Variants in SUV39H2 observed in about 807,000 individuals in gnomAD.
SUV39H2 encodes SUV39H2 histone lysine methyltransferase.
SUV39H2 carries 10 observed loss-of-function variants against 47.5 expected under a neutral mutation model. That is an observed-to-expected ratio of 0.21 (90% confidence interval 0.13 to 0.36). The LOEUF (loss-of-function observed/expected upper bound fraction) is 0.36. SUV39H2 is among the 10% of genes least tolerant of loss of function. SUV39H2 has a pLI of 1.00. For synonymous variants in SUV39H2, 159 were observed against 166.8 expected, an observed-to-expected ratio of 0.95 and a Z score of 0.36; for missense variants, 266 against 487.4, an observed-to-expected ratio of 0.55 and a Z score of 4.28.
chr10:14,879,069 G>A (rs1832958551), intron 1 of SUV39H2, 150 bp downstream of exon 1: 1 of 1,304,848 alleles, frequency 7.7e-7, no homozygotes, highest in African/African-American at 1.6e-5. Flanking sequence ...CGCTGCGGAC[G>A]CCTATCCTCC....
intron 2 of SUV39H2, among the ~76,000 whole-genome samples, chr10:14,887,077 A>C (rs1833233536): frequency 6.6e-6 from 1 of 152,228 alleles, no homozygotes; most frequent in African/African-American, 2.4e-5. Context: ...TGTAATTGAG[A>C]GAATTTTCTC....
intron 4 of SUV39H2, among the ~76,000 whole-genome samples, chr10:14,900,543 T>C (rs1833932802): frequency 6.6e-6 from 1 of 152,204 alleles, no homozygotes; most frequent in Non-Finnish European, 1.5e-5. Context: ...CGAGATACTC[T>C]CAAAATAGAG....
chr10:14,880,729 G>T (rs149291242), intron 1 of SUV39H2, among the ~76,000 whole-genome samples: 29 of 152,288 alleles, frequency 1.9e-4, no homozygotes, highest in African/African-American at 7.0e-4. Context: ...TTTCTGGAGG[G>T]TTGATGATGA....
At chr10:14,882,163 T>C (rs1833056849) in intron 2 of SUV39H2, among the ~76,000 whole-genome samples, 1 of 152,238 alleles carries the variant, frequency 6.6e-6, no homozygotes, top group African/African-American at 2.4e-5. Flanking sequence ...TCGTTTCACT[T>C]CTCTAAGCCT....
intron 2 of SUV39H2, among the ~76,000 whole-genome samples, chr10:14,895,958 TTGAGAC>T (rs1187930255): frequency 6.6e-6 from 1 of 151,952 alleles, no homozygotes; most frequent in African/African-American, 2.4e-5. Context: ...TTTTGTTTGT[TTGAGAC>T]TGAGTCTCGC....
At chr10:14,895,027 C>A (rs941494742) in intron 2 of SUV39H2, among the ~76,000 whole-genome samples, 1 of 152,020 alleles carries the variant, frequency 6.6e-6, no homozygotes, top group South Asian at 2.1e-4. Context: ...AGTTTAATCA[C>A]CTTTTTATCT....
chr10:14,896,597 G>A (rs1195920274), intron 2 of SUV39H2, among the ~76,000 whole-genome samples: 1 of 151,998 alleles, frequency 6.6e-6, no homozygotes, highest in Non-Finnish European at 1.5e-5. Context: ...CTTTTTCCAG[G>A]TAAAACTCTT....
At position 14,897,146 on chromosome 10, in the gene SUV39H2, G is replaced by A. The variant is rs1286663939; in HGVS notation, c.478G>A (p.Val160Ile). 14 of 1,613,712 alleles carry A rather than the reference G, an allele frequency of 8.7e-6. No homozygotes were observed. Among genetic ancestry groups the A allele is most frequent in the African/African-American group, 1.3e-5 (1 of 75,054 alleles). The change falls in exon 3 of 6, where the codon GTT becomes ATT. Residue 160 changes from valine (V) to isoleucine (I), a missense_variant. Coordinates refer to ENST00000354919, the MANE Select transcript of SUV39H2 (RefSeq NM_001193424.2). ...AGGAATGATATTTGTTGAAAATACTGTTGATTTAGAGGGCCCACCTTCAGA... is the reference window on the plus strand; with the variant it reads ...AGGAATGATATTTGTTGAAAATACTATTGATTTAGAGGGCCCACCTTCAGA... Reference protein sequence around the residue: ...HKGMIFVENTVDLEGPPSDFY... With the variant: ...HKGMIFVENTIDLEGPPSDFY...
At chr10:14,881,757 C>G in intron 2 of SUV39H2, 112 bp downstream of exon 2, 1 of 998,658 alleles carries the variant, frequency 1.0e-6, no homozygotes, top group Non-Finnish European at 1.4e-6. Flanking sequence ...GTTTAAAATT[C>G]TAAGGCATGA....
intron 2 of SUV39H2, among the ~76,000 whole-genome samples, chr10:14,894,698 T>C (rs1249045458): frequency 6.6e-6 from 1 of 152,202 alleles, no homozygotes; most frequent in African/African-American, 2.4e-5. Context: ...GATTACTGCT[T>C]GTTGAATAGA....
At chr10:14,899,512 AAT>A in intron 3 of SUV39H2, 25 bp from the exon 4 acceptor site, 2 of 1,612,284 alleles carry the variant, frequency 1.2e-6, no homozygotes, top group Non-Finnish European at 1.7e-6. Context: ...GTAGCTACGT[AAT>A]ATACTTACAG....
chr10:14,898,960 G>C (rs1345940546), intron 3 of SUV39H2: 2 of 457,606 alleles, frequency 4.4e-6, no homozygotes, highest in Non-Finnish European at 7.8e-6. Context: ...GAGAGCTATA[G>C]TTGTATAGCT....
In SUV39H2 at chr10:14,894,493, G is replaced by T. The variant is rs1327963357; in HGVS notation, c.178-2353G>T. Among the ~76,000 whole-genome samples, 7 of 105,202 alleles carry T rather than the reference G, an allele frequency of 6.7e-5. 1 individual carries two copies. In the East Asian group the frequency reaches 1.5e-3, roughly 23 times the overall value. 69.0% of individuals were successfully genotyped at this position (105,202 alleles called of 152,430 possible). ...CGCCATTCTCCTGCCTCAGCCTCCC[G>T]TGTAGCTGGGACTACAGGCGCCCGC... On this transcript the variant is annotated intron_variant, in intron 2 of 5. Coordinates refer to ENST00000354919, the MANE Select transcript of SUV39H2 (RefSeq NM_001193424.2).
At position 14,902,948 on chromosome 10, in the gene SUV39H2, C is replaced by T. The variant is rs1834122242; in HGVS notation, c.*436C>T. ...AGTTCTGTTTTTGCTACTCTATTGT[C>T]ATTCCTGTTTAATACTCACTGTACT... is the stretch of plus-strand genomic sequence containing the variant. On this transcript the variant is annotated 3_prime_UTR_variant, in exon 6 of 6. Coordinates refer to ENST00000354919, the MANE Select transcript of SUV39H2 (RefSeq NM_001193424.2). The T allele has an allele frequency of 6.5e-6, 1 of 153,132 alleles. No individual in the cohort carries two copies. Among genetic ancestry groups the T allele is most frequent in the Admixed American group, 6.5e-5 (1 of 15,426 alleles). 9.5% of individuals were successfully genotyped at this position (153,132 alleles called of 1,614,324 possible).
intron 1 of SUV39H2, 21 bp downstream of exon 1, chr10:14,878,940 C>T (rs192886481): frequency 1.4e-6 from 2 of 1,452,228 alleles, no homozygotes; most frequent in Non-Finnish European, 1.8e-6. Context: ...AGCGCGGCCC[C>T]CTCGCCTTCC....
chr10:14,902,396 G>T lies in SUV39H2; in HGVS notation c.1127-10G>T. On this transcript the variant is annotated splice_polypyrimidine_tract_variant and intron_variant, in intron 5 of 5. Coordinates refer to ENST00000354919, the MANE Select transcript of SUV39H2 (RefSeq NM_001193424.2). ...CTCTTTCTCCTATATTTCTTTTTCT[G>T]TGTCTTCAGGTTCTGGAGATATATC... The T allele has an allele frequency of 6.4e-7, 1 of 1,564,818 alleles. No individual in the cohort carries two copies. Among genetic ancestry groups the T allele is most frequent in the East Asian group, 2.3e-5 (1 of 44,346 alleles).
intron 2 of SUV39H2, among the ~76,000 whole-genome samples, chr10:14,893,567 CT>C (rs1277369084): frequency 6.6e-6 from 1 of 152,058 alleles, no homozygotes; most frequent in Non-Finnish European, 1.5e-5. Context: ...GGCATTTTAG[CT>C]TATTCTTAAA....
rs769240981 is a variant in SUV39H2, at chr10:14,899,693, G to T, written c.996+8G>T. 8.7e-6 allele frequency: 14 copies of T among 1,612,648 alleles called. No homozygotes were observed. Among genetic ancestry groups the T allele is most frequent in the Non-Finnish European group, 1.0e-5 (12 of 1,179,458 alleles). ...CATTTTGTGAATCACAGCGTAAGAA[G>T]ACATACGTAAATTTTAGACACGACT... On this transcript the variant is annotated splice_region_variant and intron_variant, in intron 4 of 5. Transcript: ENST00000354919.
intron 2 of SUV39H2, among the ~76,000 whole-genome samples, chr10:14,894,178 C>T (rs1678070704): frequency 6.7e-6 from 1 of 150,302 alleles, no homozygotes; most frequent in Non-Finnish European, 1.5e-5. Flanking sequence ...AATCCTTAGG[C>T]TTTAGTGGGG....
Sources: allele counts gnomAD v4.1 joint callset (sites outside exome capture counted in the v4.1 genomes callset), GRCh38; gene constraint gnomAD v4.1.1; transcripts MANE v1.5; gene names NCBI Gene and HGNC (gene_info 2026-07-23, HGNC 2026-07-21).